Variants in TMEFF2 observed in about 807,000 individuals in gnomAD.
The protein encoded by TMEFF2 is tomoregulin-2.
Under a neutral mutation model 53.8 loss-of-function variants are expected in TMEFF2, and 28 were observed. That is an observed-to-expected ratio of 0.52 (90% confidence interval 0.39 to 0.71). The LOEUF is 0.71. Ranked by LOEUF, TMEFF2 falls within the 30% of genes least tolerant of loss-of-function variation. The pLI is 0.00. For missense variants in TMEFF2, 353 were observed against 455.2 expected (o/e 0.78, Z 2.04); for synonymous variants, 162 against 166.3 (o/e 0.97, Z 0.20).
At chr2:192,169,291 A>G (rs1313693453) in intron 4 of TMEFF2, among the ~76,000 whole-genome samples, 1 of 152,172 alleles carries the variant, frequency 6.6e-6, no homozygotes, top group Non-Finnish European at 1.5e-5. Context: ...ATGATGTTTA[A>G]GCAAAAACAT....
At chr2:192,148,148 A>G (rs537475250) in intron 4 of TMEFF2, among the ~76,000 whole-genome samples, 6 of 152,172 alleles carry the variant, frequency 3.9e-5, no homozygotes, top group Non-Finnish European at 8.8e-5. Context: ...GACAAGCTCC[A>G]CTAACCTTTC....
intron 4 of TMEFF2, among the ~76,000 whole-genome samples, chr2:192,116,024 T>A (rs1414305312): frequency 6.6e-6 from 1 of 151,988 alleles, no homozygotes; most frequent in East Asian, 1.9e-4. Flanking sequence ...TCATAAACTA[T>A]CTGCACTTCC....
intron 4 of TMEFF2, among the ~76,000 whole-genome samples, chr2:192,074,946 T>C (rs1008304071): frequency 6.6e-6 from 1 of 151,978 alleles, no homozygotes; most frequent in African/African-American, 2.4e-5. Context: ...TGTCTATGTG[T>C]GTTATTTTTG....
At chr2:191,961,928 C>T (rs1334880949) in intron 7 of TMEFF2, among the ~76,000 whole-genome samples, 2 of 152,170 alleles carry the variant, frequency 1.3e-5, no homozygotes, top group African/African-American at 4.8e-5. Context: ...AGAAGAGTCT[C>T]TCCTTTTTAA....
chr2:192,029,938 A>C (rs1272975804), intron 5 of TMEFF2, among the ~76,000 whole-genome samples: 3 of 152,202 alleles, frequency 2.0e-5, no homozygotes, highest in African/African-American at 4.8e-5. Context: ...TCTTCATTGA[A>C]TCTGTTGAAG....
At chr2:192,051,981 CT>C in intron 5 of TMEFF2, among the ~76,000 whole-genome samples, 1 of 152,136 alleles carries the variant, frequency 6.6e-6, no homozygotes, top group East Asian at 1.9e-4. Flanking sequence ...CACTCAAACA[CT>C]AAGGATGTTA....
chr2:192,080,593 TAG>T (rs1461460935), intron 4 of TMEFF2, among the ~76,000 whole-genome samples: 1 of 152,164 alleles, frequency 6.6e-6, no homozygotes, highest in African/African-American at 2.4e-5. Flanking sequence ...TGTGTTGAGG[TAG>T]AGAGAGTAAG....
chr2:192,040,347 G>A (rs187947999), intron 5 of TMEFF2, among the ~76,000 whole-genome samples: 38 of 151,798 alleles, frequency 2.5e-4, no homozygotes, highest in African/African-American at 8.5e-4. Flanking sequence ...TATTCAACTC[G>A]AATTTTCTCT....
chr2:192,136,439 A>T (rs996507856), intron 4 of TMEFF2, among the ~76,000 whole-genome samples: 1 of 152,158 alleles, frequency 6.6e-6, no homozygotes, highest in South Asian at 2.1e-4. Context: ...GTCCAAATAC[A>T]TGGTATCATT....
Position 192,096,670 on chromosome 2 carries a change from C to G in TMEFF2, c.440-38895G>C, listed in dbSNP as rs9808573. On this transcript the variant is annotated intron_variant, in intron 4 of 9. Coordinates refer to ENST00000272771, the MANE Select transcript of TMEFF2 (RefSeq NM_016192.4). ...CTTCCTTCTCTCTCTCTCTCTCTCT[C>G]TTTTTTTTTTTTTTTTTTTTTTTGA... is the stretch of plus-strand genomic sequence containing the variant. Among the ~76,000 whole-genome samples, 342 of 53,678 alleles carry G rather than the reference C, an allele frequency of 6.4e-3. 5 individuals carry two copies. Among genetic ancestry groups the G allele is most frequent in the African/African-American group, 0.041 (304 of 7,406 alleles). The allele number at this position is 53,678 out of a possible 152,430, so 35.2% of individuals were successfully genotyped here. A position where few individuals can be genotyped will look rare whatever the true frequency, so the allele number is the denominator to read the frequency against.
chr2:192,093,937 C>T (rs1286786538), intron 4 of TMEFF2, among the ~76,000 whole-genome samples: 2 of 152,124 alleles, frequency 1.3e-5, no homozygotes, highest in Non-Finnish European at 2.9e-5. Context: ...TAAGTTGAGG[C>T]TGGTCTTAGA....
intron 4 of TMEFF2, among the ~76,000 whole-genome samples, chr2:192,096,570 G>A (rs1451310195): frequency 6.8e-6 from 1 of 147,188 alleles, no homozygotes; most frequent in Non-Finnish European, 1.5e-5. Flanking sequence ...TTCAGTCTTT[G>A]TAAAATTAGT....
At chr2:192,137,896 C>T (rs1384473248) in intron 4 of TMEFF2, among the ~76,000 whole-genome samples, 1 of 151,784 alleles carries the variant, frequency 6.6e-6, no homozygotes, top group African/African-American at 2.4e-5. Context: ...TCCACCCCCA[C>T]AGTTCAAGTT....
At chr2:192,020,839 A>G (rs1284165428) in intron 5 of TMEFF2, among the ~76,000 whole-genome samples, 2 of 152,132 alleles carry the variant, frequency 1.3e-5, no homozygotes, top group African/African-American at 4.8e-5. Flanking sequence ...ATCAATTATA[A>G]TATAACCTTC....
chr2:192,096,882 GC>G (rs1437278065), intron 4 of TMEFF2, among the ~76,000 whole-genome samples: 6 of 151,550 alleles, frequency 4.0e-5, no homozygotes, highest in Admixed American at 1.3e-4. Context: ...CACCATGTTG[GC>G]CAGGTTGGTC....
intron 5 of TMEFF2, among the ~76,000 whole-genome samples, chr2:192,047,652 G>C (rs1378350573): frequency 6.6e-6 from 1 of 152,192 alleles, no homozygotes; most frequent in Non-Finnish European, 1.5e-5. Flanking sequence ...AGGGGGGCTA[G>C]AAAATCAGAT....
At chr2:192,130,938 G>T (rs555867646) in intron 4 of TMEFF2, among the ~76,000 whole-genome samples, 2 of 151,836 alleles carry the variant, frequency 1.3e-5, no homozygotes, top group African/African-American at 2.4e-5. Flanking sequence ...TTCCCTTGGT[G>T]TTTAATCATT....
chr2:192,137,211 A>G (rs1690031789), intron 4 of TMEFF2, among the ~76,000 whole-genome samples: 1 of 152,186 alleles, frequency 6.6e-6, no homozygotes. Flanking sequence ...ATGACACTTA[A>G]CTAAGTTACA....
intron 4 of TMEFF2, among the ~76,000 whole-genome samples, chr2:192,129,767 A>C (rs1476122095): frequency 1.3e-5 from 2 of 152,250 alleles, no homozygotes; most frequent in Non-Finnish European, 2.9e-5. Flanking sequence ...ATTGAGGCCC[A>C]CAACACTGCA....
Sources: allele counts gnomAD v4.1 joint callset (sites outside exome capture counted in the v4.1 genomes callset), GRCh38; gene constraint gnomAD v4.1.1; transcripts MANE v1.5; gene names NCBI Gene and HGNC (gene_info 2026-07-23, HGNC 2026-07-21).